TVP23A: variants seen among roughly 807,000 people sequenced by gnomAD.
TVP23A encodes the protein Golgi apparatus membrane protein TVP23 homolog A.
In TVP23A, 21 loss-of-function variants were observed where a neutral mutation model predicts 31.7. The observed-to-expected ratio is 0.66, with a 90% CI of 0.47 to 0.95. TVP23A has a LOEUF of 0.95. Ranked by LOEUF, TVP23A falls within the 40% of genes least tolerant of loss-of-function variation. The pLI is 0.00. For missense variants in TVP23A, 279 were observed against 255.6 expected (o/e 1.09, Z -0.62); for synonymous variants, 104 against 96.0 (o/e 1.08, Z -0.49).
At chr16:10,769,223 G>T (rs2031344748) in intron 7 of TVP23A, 122 bp from the exon 8 acceptor site, 1 of 811,228 alleles carries the variant, frequency 1.2e-6, no homozygotes, top group African/African-American at 1.7e-5. Flanking sequence ...ACCAGATGCT[G>T]GTGTGGTCCG....
At chr16:10,781,869 TTTTTTTTTTTG>T (rs1392099247) in intron 2 of TVP23A, among the ~76,000 whole-genome samples, 1 of 138,142 alleles carries the variant, frequency 7.2e-6, no homozygotes, top group African/African-American at 2.8e-5. Flanking sequence ...TTTTTTTTTT[TTTTTTTTTTTG>T]AGACAGAGTC....
At chr16:10,815,992 C>A (rs185534788) in intron 2 of TVP23A, among the ~76,000 whole-genome samples, 3 of 152,026 alleles carry the variant, frequency 2.0e-5, no homozygotes, top group Non-Finnish European at 4.4e-5. Flanking sequence ...GAGGCTGACA[C>A]GGGAAGAGTA....
At chr16:10,784,674 G>T (rs1410546023) in intron 2 of TVP23A, among the ~76,000 whole-genome samples, 1 of 152,128 alleles carries the variant, frequency 6.6e-6, no homozygotes, top group Admixed American at 6.6e-5. Flanking sequence ...TAATGTATTG[G>T]TTCATCAAGT....
intron 2 of TVP23A, among the ~76,000 whole-genome samples, chr16:10,802,415 G>A (rs1301448620): frequency 6.6e-6 from 1 of 151,888 alleles, no homozygotes; most frequent in African/African-American, 2.4e-5. Context: ...GGGTAGCTGG[G>A]ATTACAAGCA....
intron 2 of TVP23A, among the ~76,000 whole-genome samples, chr16:10,784,906 G>A (rs1248598087): frequency 6.6e-6 from 1 of 151,966 alleles, no homozygotes; most frequent in African/African-American, 2.4e-5. Flanking sequence ...TTCAAGACCA[G>A]CCTGACCAAC....
At chr16:10,771,877 G>A (rs1475371139) in intron 5 of TVP23A, 79 bp from the exon 6 acceptor site, 6 of 1,513,058 alleles carry the variant, frequency 4.0e-6, no homozygotes, top group Middle Eastern at 2.3e-4. Context: ...GGGGTGCAGA[G>A]GCACGATCTC....
At chr16:10,800,662 G>C (rs2033651612) in intron 2 of TVP23A, among the ~76,000 whole-genome samples, 1 of 152,092 alleles carries the variant, frequency 6.6e-6, no homozygotes, top group Non-Finnish European at 1.5e-5. Flanking sequence ...TATTCTTTTT[G>C]AACAGCCTAT....
At chr16:10,794,329 GTC>G (rs1424707492) in intron 2 of TVP23A, among the ~76,000 whole-genome samples, 1 of 152,110 alleles carries the variant, frequency 6.6e-6, no homozygotes, top group East Asian at 1.9e-4. Flanking sequence ...CTCTCCCTGT[GTC>G]TCTATCCTCA....
At chr16:10,771,320 T>C (rs2031602053) in intron 6 of TVP23A, among the ~76,000 whole-genome samples, 1 of 152,068 alleles carries the variant, frequency 6.6e-6, no homozygotes, top group South Asian at 2.1e-4. Context: ...GCAGGCGGGC[T>C]GCTTGAGCTC....
At position 10,768,275 on chromosome 16, in the gene TVP23A, G is replaced by T. The variant is rs2031195401; in HGVS notation, c.*827C>A. 3.1e-6 allele frequency: 1 copy of T among 326,432 alleles called. No individual in the cohort carries two copies. Among genetic ancestry groups the T allele is most frequent in the Non-Finnish European group, 5.6e-6 (1 of 179,810 alleles). The allele number at this position is 326,432 out of a possible 1,614,324, so 20.2% of individuals were successfully genotyped here. ...GGCTTAGGAAATACATCCCAATAAA[G>T]GGATAAAGTAATTCATTTTTAAAAG... On this transcript the variant is annotated 3_prime_UTR_variant, in exon 8 of 8. Coordinates refer to ENST00000299866, the MANE Select transcript of TVP23A (RefSeq NM_001079512.4). The surrounding 1 kb of genome is among the most constrained non-coding windows in gnomAD (Gnocchi z 4.3).
chr16:10,778,136 C>A (rs1433412558), intron 2 of TVP23A, among the ~76,000 whole-genome samples: 1 of 152,090 alleles, frequency 6.6e-6, no homozygotes, highest in African/African-American at 2.4e-5. Context: ...GAATTCAAGA[C>A]CAGCGTGGCC....
At chr16:10,794,545 T>C (rs1264289631) in intron 2 of TVP23A, among the ~76,000 whole-genome samples, 2 of 151,914 alleles carry the variant, frequency 1.3e-5, no homozygotes, top group Non-Finnish European at 2.9e-5. Context: ...CCAGAGAAAA[T>C]AAGTGAGGTA....
downstream of TVP23A, among the ~76,000 whole-genome samples, chr16:10,764,463 G>A (rs1279322649): frequency 2.0e-5 from 3 of 151,590 alleles, no homozygotes; most frequent in Non-Finnish European, 4.4e-5. Context: ...GAGCATCTCA[G>A]TCTGCTGGAG....
At chr16:10,795,107 G>C (rs2033314176) in intron 2 of TVP23A, among the ~76,000 whole-genome samples, 1 of 152,092 alleles carries the variant, frequency 6.6e-6, no homozygotes, top group Non-Finnish European at 1.5e-5. Flanking sequence ...TGAGAGTCAG[G>C]TTAAGGAAGT....
intron 2 of TVP23A, among the ~76,000 whole-genome samples, chr16:10,794,043 A>AC (rs1476866403): frequency 6.6e-6 from 1 of 150,698 alleles, no homozygotes; most frequent in African/African-American, 2.4e-5. Flanking sequence ...TGAATGCTGC[A>AC]CCCCCAGGAG....
At chr16:10,807,883 G>GT (rs1386118784) in intron 2 of TVP23A, among the ~76,000 whole-genome samples, 3 of 152,264 alleles carry the variant, frequency 2.0e-5, no homozygotes, top group South Asian at 2.1e-4. Flanking sequence ...AATCTCCTCT[G>GT]TTTTTTCTTT....
intron 7 of TVP23A, among the ~76,000 whole-genome samples, chr16:10,770,014 A>G (rs1477202873): frequency 6.6e-6 from 1 of 151,998 alleles, no homozygotes; most frequent in Non-Finnish European, 1.5e-5. Context: ...AGGACCATAC[A>G]TATGATCAGA....
downstream of TVP23A, chr16:10,763,754 G>A (rs1277114938): frequency 1.3e-5 from 2 of 155,228 alleles, no homozygotes; most frequent in Non-Finnish European, 2.9e-5. Flanking sequence ...ACGTTTGTCA[G>A]GGGAAACATC....
At position 10,775,010 on chromosome 16, in the gene TVP23A, A is replaced by G; in HGVS notation, c.176T>C (p.Phe59Ser). 6.2e-7 allele frequency: 1 copy of G among 1,612,866 alleles called. No individual in the cohort carries two copies. The highest frequency in any genetic ancestry group is 1.3e-5 in the African/African-American group (1 of 74,972). Residue 59 changes from phenylalanine to serine, a missense_variant, in exon 3 of 8, where the codon TTT becomes TCT. Physicochemically the swap from Phe to Ser is radical, Grantham distance 155. Transcript: ENST00000299866. ...YVSCDWFSKS[F>S]VGCFVMVLLL... ...CAGCACCATGACAAAACAGCCCACA[A>G]AGCTCTTGCTGAACCAGTCGCAGCT...
Sources: gnomAD v4.1 joint callset for allele counts (sites outside exome capture counted in the v4.1 genomes callset) on GRCh38, gnomAD v4.1.1 for gene constraint, Gnocchi (gnomAD v3.1) non-coding constraint, MANE v1.5 for transcripts, NCBI Gene and HGNC (gene_info 2026-07-23, HGNC 2026-07-21) for gene names.